Variants in GLIS2 observed in about 807,000 individuals in gnomAD.
GLIS2 encodes GLIS family zinc finger 2.
Under a neutral mutation model 35.6 loss-of-function variants are expected in GLIS2, and 14 were observed. The ratio of observed to expected loss-of-function variants is 0.39; its 90% confidence interval spans 0.26 to 0.61. The LOEUF is 0.61. Ranked by LOEUF, GLIS2 falls within the 20% of genes least tolerant of loss-of-function variation. The pLI is 0.48. For synonymous variants in GLIS2, 368 were observed against 325.1 expected, an observed-to-expected ratio of 1.13 and a Z score of -1.42; for missense variants, 675 against 713.4, an observed-to-expected ratio of 0.95 and a Z score of 0.61.
At chr16:4,331,182 G>A (rs1008011831) in intron 1 of GLIS2, among the ~76,000 whole-genome samples, 69 of 151,844 alleles carry the variant, frequency 4.5e-4, no homozygotes, top group African/African-American at 1.0e-3. Context: ...GGGTTTCAGC[G>A]TGTTAGCCAG....
chr16:4,336,657 G>A lies in GLIS2; in HGVS notation c.776-68G>A, dbSNP rs113253756. 9.8e-5 allele frequency: 144 copies of A among 1,471,090 alleles called. 1 individual carries two copies. The African/African-American group carries it at 1.4e-3, about 14-fold the overall frequency. The allele number at this position is 1,471,090 out of a possible 1,614,324, so 91.1% of individuals were successfully genotyped here. On this transcript the variant is annotated intron_variant, in intron 6 of 6. Transcript: ENST00000433375. ...AGTGCTTGGCCCGGGGAAATGTTGA[G>A]TGCATGGGGTGAGACCCAGGAAGGG... is the stretch of plus-strand genomic sequence containing the variant.
intron 1 of GLIS2, among the ~76,000 whole-genome samples, chr16:4,321,754 C>T (rs1454274659): frequency 6.6e-6 from 1 of 152,148 alleles, no homozygotes; most frequent in East Asian, 1.9e-4. Context: ...CCCGGCGTCC[C>T]AGACATGTCC....
At chr16:4,327,944 GC>G (rs2053454724) in intron 1 of GLIS2, among the ~76,000 whole-genome samples, 1 of 152,074 alleles carries the variant, frequency 6.6e-6, no homozygotes, top group African/African-American at 2.4e-5. Flanking sequence ...TGGGGGCGCT[GC>G]CCTGGGCGCA....
In GLIS2 at chr16:4,332,235, T is replaced by A; in HGVS notation, c.-46T>A. On this transcript the variant is annotated 5_prime_UTR_variant, in exon 2 of 7. Transcript: ENST00000433375. This position sits in a 1 kb window ranked among gnomAD's most constrained non-coding sequence, Gnocchi z 5.4. ...CCCAGGTTCCTGCGTGAAGACCAGC[T>A]GGGAGCCCACTGCCTGCTGCCACCT... 3 of 1,601,332 alleles carry A rather than the reference T, an allele frequency of 1.9e-6. No individual in the cohort carries two copies. Among genetic ancestry groups the A allele is most frequent in the Non-Finnish European group, 2.6e-6 (3 of 1,175,190 alleles).
rs1160192473 is a variant in GLIS2, at chr16:4,337,419, G to A, written c.1470G>A (p.Leu490=). ...TGCTGCCAGGCACCGTGCTGGACCT[G>A]TCCACGGGCGTCAACTCAGCTGCCA... is the stretch of plus-strand genomic sequence containing the variant. ...LPLLPGTVLD[L]STGVNSAASS... Residue 490 remains leucine, a synonymous_variant, in exon 7 of 7, where the codon CTG becomes CTA. Transcript: ENST00000433375. 6.3e-7 allele frequency: 1 copy of A among 1,585,244 alleles called. No homozygotes were observed. The highest frequency in any genetic ancestry group is 2.3e-5 in the East Asian group (1 of 43,648).
Position 4,335,298 on chromosome 16 carries a change from G to A in GLIS2, c.680G>A (p.Arg227His), listed in dbSNP as rs761135861. ...NARYKMLIHI[R>H]THTNEKPHRC... ...AGGTACAAGATGCTCATCCACATCC[G>A]CACACACACCAACGAGAAGCCACAC... Residue 227 changes from arginine (R) to histidine (H), a missense_variant, in exon 6 of 7, where the codon CGC becomes CAC. Physicochemically the swap from Arg to His is conservative, Grantham distance 29. This residue lies in a region of GLIS2 where 133 missense variants were observed against 191.4 expected (regional missense o/e 0.69). Coordinates refer to ENST00000433375, the MANE Select transcript of GLIS2 (RefSeq NM_032575.3). The surrounding 1 kb of genome is among the most constrained non-coding windows in gnomAD (Gnocchi z 4.6). The A allele has an allele frequency of 3.7e-6, 6 of 1,613,636 alleles. No homozygotes were observed. The highest frequency in any genetic ancestry group is 3.3e-5 in the Admixed American group (2 of 59,994).
At chr16:4,315,959 G>T (rs1413683890), upstream of GLIS2, among the ~76,000 whole-genome samples, 1 of 143,706 alleles carries the variant, frequency 7.0e-6, no homozygotes, top group Non-Finnish European at 1.5e-5. Context: ...CCTCCTCCTC[G>T]CCCTCCTCCG....
chr16:4,328,632 C>T (rs987817252), intron 1 of GLIS2, among the ~76,000 whole-genome samples: 11 of 152,210 alleles, frequency 7.2e-5, no homozygotes, highest in African/African-American at 2.4e-4. Flanking sequence ...TGGAATGAAC[C>T]CCTGCCTCCC....
In GLIS2 at chr16:4,318,805, C is replaced by T. The variant is rs374689175; in HGVS notation, c.-67+2551C>T. Among the ~76,000 whole-genome samples, 12 of 152,348 alleles carry T rather than the reference C, an allele frequency of 7.9e-5. 1 individual carries two copies. The South Asian group carries it at 1.7e-3, about 21-fold the overall frequency. ...ATATAGGAGGAAGAATGTGTTTTCC[C>T]GGCAACAATTTCCCATGTGTATTTC... is the stretch of plus-strand genomic sequence containing the variant. On this transcript the variant is annotated intron_variant, in intron 1 of 6. Transcript: ENST00000433375.
chr16:4,329,900 C>G (rs907444600), intron 1 of GLIS2, among the ~76,000 whole-genome samples: 1 of 152,166 alleles, frequency 6.6e-6, no homozygotes, highest in Non-Finnish European at 1.5e-5. Context: ...GATTGCTGCT[C>G]TGAATGTGAA....
chr16:4,339,305 A>G lies in GLIS2; in HGVS notation c.*1781A>G, dbSNP rs988895295. The G allele has an allele frequency of 6.6e-6, 1 of 152,644 alleles. No individual in the cohort carries two copies. Among genetic ancestry groups the G allele is most frequent in the Admixed American group, 6.5e-5 (1 of 15,336 alleles). The allele number at this position is 152,644 out of a possible 1,614,324, so 9.5% of individuals were successfully genotyped here. ...GTTTGCGACTTGAGCAGAGCGGAGG[A>G]ACAGGGCACTGGAAGGCCGACGAGC... On this transcript the variant is annotated 3_prime_UTR_variant, in exon 7 of 7. Coordinates refer to ENST00000433375, the MANE Select transcript of GLIS2 (RefSeq NM_032575.3).
chr16:4,327,940 C>T (rs972529131), intron 1 of GLIS2, among the ~76,000 whole-genome samples: 1 of 150,514 alleles, frequency 6.6e-6, no homozygotes, highest in Admixed American at 6.6e-5. Context: ...CGTGTGGGGG[C>T]GCTGCCCTGG....
At chr16:4,321,319 G>A (rs995081848) in intron 1 of GLIS2, among the ~76,000 whole-genome samples, 1 of 152,198 alleles carries the variant, frequency 6.6e-6, no homozygotes, top group Non-Finnish European at 1.5e-5. Flanking sequence ...TATGTCAGGA[G>A]ACCAGCCCCT....
chr16:4,322,473 A>T (rs2053388184), intron 1 of GLIS2, among the ~76,000 whole-genome samples: 2 of 152,114 alleles, frequency 1.3e-5, no homozygotes. Flanking sequence ...GGAAAATGGC[A>T]TCCATTCGCG....
At chr16:4,315,629 G>A (rs868331026), upstream of GLIS2, among the ~76,000 whole-genome samples, 4 of 151,020 alleles carry the variant, frequency 2.6e-5, no homozygotes, top group Non-Finnish European at 5.9e-5. Flanking sequence ...CCTCCCGGCC[G>A]TGTCCTAGCG....
intron 1 of GLIS2, among the ~76,000 whole-genome samples, chr16:4,322,307 GCCT>G (rs2053386908): frequency 6.6e-6 from 1 of 152,122 alleles, no homozygotes; most frequent in South Asian, 2.1e-4. Flanking sequence ...TTTCTCTCCT[GCCT>G]CCTCGTCTAC....
chr16:4,337,733 GCTC>G lies in GLIS2; in HGVS notation c.*212_*214del, dbSNP rs1567225631. 1 of 682,968 alleles carries G rather than the reference GCTC, an allele frequency of 1.5e-6. No individual in the cohort carries two copies. The highest frequency in any genetic ancestry group is 2.5e-6 in the Non-Finnish European group (1 of 394,420). The allele number at this position is 682,968 out of a possible 1,614,324, so 42.3% of individuals were successfully genotyped here. On this transcript the variant is annotated 3_prime_UTR_variant, in exon 7 of 7. Transcript: ENST00000433375. ...TGGCCTGTCATGCAGGGAGAGCTGT[GCTC>G]CTGGGTGCTGAAGCCTCGCTCCTGT...
At chr16:4,326,755 ATTTTT>A (rs35674831) in intron 1 of GLIS2, among the ~76,000 whole-genome samples, 3,479 of 110,062 alleles carry the variant, frequency 0.032, 62 homozygotes, top group Middle Eastern at 0.057. Flanking sequence ...ACGCCCAGCT[ATTTTT>A]TTTTTTTTTT....
Position 4,338,404 on chromosome 16 carries a change from C to T in GLIS2, c.*880C>T, listed in dbSNP as rs1375547597. 3 of 152,448 alleles carry T rather than the reference C, an allele frequency of 2.0e-5. No homozygotes were observed. Among genetic ancestry groups the T allele is most frequent in the Admixed American group, 2.0e-4 (3 of 15,294 alleles). The allele number at this position is 152,448 out of a possible 1,614,324, so 9.4% of individuals were successfully genotyped here. A position where few individuals can be genotyped will look rare whatever the true frequency, so the allele number is the denominator to read the frequency against. ...GCGCCCCGTCTTCCTCCTTCTACCC[C>T]CGCTGGGCCTGGCCTGGGCAGCGCC... On this transcript the variant is annotated 3_prime_UTR_variant, in exon 7 of 7. Coordinates refer to ENST00000433375, the MANE Select transcript of GLIS2 (RefSeq NM_032575.3).
Sources: gnomAD v4.1 joint callset for allele counts (sites outside exome capture counted in the v4.1 genomes callset) on GRCh38, gnomAD v4.1.1 for gene constraint, gnomAD v4.1.1 regional missense constraint, Gnocchi (gnomAD v3.1) non-coding constraint, MANE v1.5 for transcripts, NCBI Gene and HGNC (gene_info 2026-07-23, HGNC 2026-07-21) for gene names.